Variants in TENM2 observed in about 807,000 individuals in gnomAD.
TENM2 encodes teneurin-2.
In TENM2, 52 loss-of-function variants were observed where a neutral mutation model predicts 245.2. The observed-to-expected ratio is 0.21, with a 90% CI of 0.17 to 0.27. TENM2 has a LOEUF of 0.27. Ranked by LOEUF, TENM2 falls within the 10% of genes least tolerant of loss-of-function variation. The pLI, the probability that TENM2 is intolerant of heterozygous loss-of-function variation, is 1.00. For missense variants in TENM2, 3,046 were observed against 3,666.8 expected (o/e 0.83, Z 4.37); for synonymous variants, 1,363 against 1,438.9 (o/e 0.95, Z 1.19).
chr5:168,146,645 C>T (rs537399841), intron 12 of TENM2, among the ~76,000 whole-genome samples: 15 of 152,244 alleles, frequency 9.9e-5, no homozygotes, highest in Admixed American at 6.5e-4. Flanking sequence ...CAGAAACGGC[C>T]GGTCCCATTG....
At chr5:168,014,340 A>G (rs1581059158) in intron 5 of TENM2, among the ~76,000 whole-genome samples, 1 of 152,324 alleles carries the variant, frequency 6.6e-6, no homozygotes, top group East Asian at 1.9e-4. Context: ...TGGAGGCACA[A>G]AAATATTAGG....
At chr5:167,763,695 C>T (rs546874341) in intron 2 of TENM2, among the ~76,000 whole-genome samples, 12 of 152,208 alleles carry the variant, frequency 7.9e-5, no homozygotes, top group South Asian at 2.1e-4. Flanking sequence ...TGGCAGTGCG[C>T]GCTTCTAACT....
chr5:168,069,693 T>A (rs751073808), intron 7 of TENM2, among the ~76,000 whole-genome samples: 3 of 152,214 alleles, frequency 2.0e-5, no homozygotes, highest in Non-Finnish European at 4.4e-5. Context: ...AGCTGGGATG[T>A]GCATCTAGCA....
chr5:167,902,629 G>A (rs1027196244), intron 3 of TENM2, among the ~76,000 whole-genome samples: 17 of 152,292 alleles, frequency 1.1e-4, no homozygotes, highest in African/African-American at 4.1e-4. Context: ...GAAATGGAAT[G>A]AGTTGTATAA....
chr5:167,943,844 T>A (rs1274613212), intron 3 of TENM2, among the ~76,000 whole-genome samples: 3 of 152,194 alleles, frequency 2.0e-5, no homozygotes, highest in Admixed American at 2.0e-4. Context: ...TTTCTACTGA[T>A]AGGCTTTCCT....
chr5:167,428,376 A>T (rs1385913707), intron 2 of TENM2, among the ~76,000 whole-genome samples: 1 of 152,198 alleles, frequency 6.6e-6, no homozygotes, highest in Non-Finnish European at 1.5e-5. Flanking sequence ...AGGTTATTGA[A>T]ATTCTTAAAG....
intron 25 of TENM2, among the ~76,000 whole-genome samples, chr5:168,237,388 C>T (rs1482576854): frequency 6.6e-6 from 1 of 151,950 alleles, no homozygotes; most frequent in Non-Finnish European, 1.5e-5. Context: ...GGTTCTTGTA[C>T]CCAGTCTGAT....
chr5:167,635,301 A>G (rs2150228815), intron 2 of TENM2, among the ~76,000 whole-genome samples: 1 of 152,290 alleles, frequency 6.6e-6, no homozygotes, highest in African/African-American at 2.4e-5. Flanking sequence ...TTTCTATTGT[A>G]TCTACGTAAG....
intron 5 of TENM2, among the ~76,000 whole-genome samples, chr5:168,015,389 G>A (rs890451511): frequency 6.6e-6 from 1 of 152,326 alleles, no homozygotes; most frequent in African/African-American, 2.4e-5. Context: ...GCAAACAGCA[G>A]GTCTAGGCCC....
intron 2 of TENM2, among the ~76,000 whole-genome samples, chr5:167,767,198 A>G (rs1445125712): frequency 1.3e-5 from 2 of 152,202 alleles, no homozygotes; most frequent in Non-Finnish European, 2.9e-5. Context: ...TACACATACC[A>G]CAAAATATTA....
intron 6 of TENM2, among the ~76,000 whole-genome samples, chr5:168,051,207 A>G (rs1214459946): frequency 6.6e-6 from 1 of 152,232 alleles, no homozygotes; most frequent in African/African-American, 2.4e-5. Context: ...ATAGAATTGC[A>G]TGGATCATTC....
At chr5:167,383,143 T>C (rs1168295307) in intron 2 of TENM2, among the ~76,000 whole-genome samples, 1 of 152,100 alleles carries the variant, frequency 6.6e-6, no homozygotes, top group East Asian at 1.9e-4. Flanking sequence ...GGGAAGGTGC[T>C]TTGTTGGGAA....
the TENM2 span, among the ~76,000 whole-genome samples, chr5:167,036,218 A>T: frequency 6.6e-6 from 1 of 152,284 alleles, no homozygotes; most frequent in East Asian, 1.9e-4. Context: ...AGGCCAAGAG[A>T]AAAGCAAGTG....
the TENM2 span, among the ~76,000 whole-genome samples, chr5:167,049,234 C>G: frequency 6.6e-6 from 1 of 152,174 alleles, no homozygotes; most frequent in East Asian, 1.9e-4. Context: ...TACACAGATC[C>G]ATAGAAACAT....
chr5:168,200,673 C>A (rs528499771), intron 17 of TENM2, among the ~76,000 whole-genome samples: 1 of 152,296 alleles, frequency 6.6e-6, no homozygotes, highest in Non-Finnish European at 1.5e-5. Flanking sequence ...AATCAGAAAA[C>A]AGGGTTTGAG....
chr5:167,577,938 C>T (rs1377354340), intron 2 of TENM2, among the ~76,000 whole-genome samples: 1 of 152,190 alleles, frequency 6.6e-6, no homozygotes, highest in East Asian at 1.9e-4. Context: ...TGAGAGGACC[C>T]TGAGGAGCCT....
At chr5:167,136,870 T>G in the TENM2 span, among the ~76,000 whole-genome samples, 1 of 152,206 alleles carries the variant, frequency 6.6e-6, no homozygotes, top group Non-Finnish European at 1.5e-5. Context: ...TTTCTCTAAA[T>G]TTTCTGACTG....
intron 15 of TENM2, among the ~76,000 whole-genome samples, chr5:168,197,601 A>G (rs367958401): frequency 1.9e-4 from 29 of 151,948 alleles, no homozygotes; most frequent in African/African-American, 7.0e-4. Flanking sequence ...TTGGGAGGCT[A>G]AGGCAGGAGA....
intron 2 of TENM2, among the ~76,000 whole-genome samples, chr5:167,640,880 T>TATATATATATATATATCC (rs1779545658): frequency 1.6e-5 from 1 of 62,968 alleles, no homozygotes; most frequent in African/African-American, 1.2e-4. Flanking sequence ...TATATATATA[T>TATATATATATATATATCC]ATATATATAT....
Sources: gnomAD v4.1 joint callset for allele counts (sites outside exome capture counted in the v4.1 genomes callset) on GRCh38, gnomAD v4.1.1 for gene constraint, MANE v1.5 for transcripts, NCBI Gene and HGNC (gene_info 2026-07-23, HGNC 2026-07-21) for gene names.